Variants in PICALM observed in about 807,000 individuals in gnomAD.
PICALM encodes phosphatidylinositol-binding clathrin assembly protein.
PICALM carries 40 observed loss-of-function variants against 80.5 expected under a neutral mutation model. The ratio of observed to expected loss-of-function variants is 0.50; its 90% CI spans 0.39 to 0.65. The LOEUF (loss-of-function observed/expected upper bound fraction) is 0.65. PICALM is among the 30% of genes least tolerant of loss of function. PICALM has a pLI of 0.00. For missense variants in PICALM, 676 were observed against 778.9 expected (o/e 0.87, Z 1.57); for synonymous variants, 288 against 260.3 (o/e 1.11, Z -1.02).
In PICALM at chr11:85,981,713, C is replaced by T. The variant is rs200942143; in HGVS notation, c.1679+32G>A. ...CATGGAGAAAACACTAAATAACACACGGAGAAAACAATGTGTATATTAAAC... is the reference window on the plus strand; with the variant it reads ...CATGGAGAAAACACTAAATAACACATGGAGAAAACAATGTGTATATTAAAC... On this transcript the variant is annotated intron_variant, in intron 16 of 19. Transcript: ENST00000393346. 3.4e-4 allele frequency: 516 copies of T among 1,535,982 alleles called. 1 individual carries two copies. In the African/African-American group the frequency reaches 5.8e-3, roughly 17 times the overall value.
intron 3 of PICALM, among the ~76,000 whole-genome samples, chr11:86,025,260 C>A (rs747248733): frequency 2.6e-5 from 4 of 152,112 alleles, no homozygotes; most frequent in Non-Finnish European, 4.4e-5. Context: ...AGTAGCTGGG[C>A]GTGGTGACAT....
At chr11:86,049,681 C>A (rs1249323424) in intron 1 of PICALM, among the ~76,000 whole-genome samples, 1 of 151,704 alleles carries the variant, frequency 6.6e-6, no homozygotes, top group Non-Finnish European at 1.5e-5. Context: ...GATCCACCTG[C>A]CTTGGCCTCC....
intron 4 of PICALM, among the ~76,000 whole-genome samples, chr11:86,017,216 C>T (rs1461600937): frequency 2.5e-5 from 2 of 78,846 alleles, no homozygotes; most frequent in East Asian, 2.9e-4. Context: ...GAGTGAGACT[C>T]TGTCTCAAAA....
chr11:86,038,790 A>C (rs2095891365), intron 1 of PICALM, among the ~76,000 whole-genome samples: 1 of 151,694 alleles, frequency 6.6e-6, no homozygotes, highest in Non-Finnish European at 1.5e-5. Flanking sequence ...AAAAAAAAAA[A>C]GGTAAGTCAA....
chr11:85,959,462 G>A (rs964307508), intron 19 of PICALM, among the ~76,000 whole-genome samples: 9 of 151,590 alleles, frequency 5.9e-5, no homozygotes, highest in Non-Finnish European at 1.0e-4. Context: ...GTGAAACCCC[G>A]TCTCTACTAA....
intron 13 of PICALM, 50 bp downstream of exon 13, chr11:85,990,200 G>C: frequency 9.5e-7 from 1 of 1,055,364 alleles, no homozygotes; most frequent in Non-Finnish European, 1.4e-6. Context: ...GTAAAATATA[G>C]TTAGGCAGTA....
intron 19 of PICALM, among the ~76,000 whole-genome samples, chr11:85,963,833 T>C (rs2093776858): frequency 6.6e-6 from 1 of 150,608 alleles, no homozygotes; most frequent in African/African-American, 2.4e-5. Context: ...CACGGGTCAC[T>C]GCAGCCTCAA....
intron 1 of PICALM, among the ~76,000 whole-genome samples, chr11:86,035,798 A>G (rs2095831541): frequency 6.6e-6 from 1 of 151,264 alleles, no homozygotes; most frequent in Non-Finnish European, 1.5e-5. Flanking sequence ...AAACACAAAA[A>G]TTAGCCGGGC....
rs187473210 is a variant in PICALM at position 86,028,365 on chromosome 11, A to G, written c.274-1998T>C. ...TAGGTACATAAGCATTTGTTATGCC[A>G]TTCACTCTACTATTGTGTATATTAG... is the stretch of plus-strand genomic sequence containing the variant. On this transcript the variant is annotated intron_variant, in intron 2 of 19. Transcript: ENST00000393346. Among the ~76,000 whole-genome samples the G allele has an allele frequency of 4.0e-3, 606 of 152,352 alleles. 4 individuals are homozygous for G. Among genetic ancestry groups the G allele is most frequent in the African/African-American group, 0.014 (578 of 41,564 alleles).
chr11:86,036,899 T>G (rs2095850139), intron 1 of PICALM, among the ~76,000 whole-genome samples: 1 of 143,380 alleles, frequency 7.0e-6, no homozygotes, highest in Non-Finnish European at 1.5e-5. Context: ...GTCACGAGTT[T>G]GAGACCAGCC....
intron 14 of PICALM, among the ~76,000 whole-genome samples, chr11:85,982,911 T>C (rs12278254): frequency 0.026 from 3,949 of 152,180 alleles, 176 homozygotes; most frequent in African/African-American, 0.091. Flanking sequence ...AAACCCTCTA[T>C]GGGACTCAAT....
chr11:85,999,720 G>A (rs1269986662), intron 11 of PICALM, among the ~76,000 whole-genome samples: 1 of 152,226 alleles, frequency 6.6e-6, no homozygotes, highest in African/African-American at 2.4e-5. Context: ...TAGGCAGGCA[G>A]ATGAGCTTTT....
chr11:86,012,497 T>A lies in PICALM; in HGVS notation c.547-105A>T. 9 of 633,948 alleles carry A rather than the reference T, an allele frequency of 1.4e-5. No homozygotes were observed. In the South Asian group the frequency reaches 1.7e-4, roughly 12 times the overall value. The allele number at this position is 633,948 out of a possible 1,614,324, so 39.3% of individuals were successfully genotyped here. On this transcript the variant is annotated intron_variant, in intron 5 of 19. Transcript: ENST00000393346. ...ATACAGTAAATTCATGCATTAGGCA[T>A]GTTAGTGAAAAATACATTTATTTTC...
At chr11:85,976,521 G>A in intron 18 of PICALM, 102 bp downstream of exon 18, 1 of 722,726 alleles carries the variant, frequency 1.4e-6, no homozygotes, top group Non-Finnish European at 2.5e-6. Context: ...AGGGCTAGGA[G>A]TATGAGGAGC....
At chr11:86,067,095 A>C (rs2096458398) in intron 1 of PICALM, among the ~76,000 whole-genome samples, 2 of 152,236 alleles carry the variant, frequency 1.3e-5, no homozygotes, top group Admixed American at 6.5e-5. Context: ...ATCACAAAGA[A>C]TAATAGGCTT....
chr11:85,987,626 C>G (rs548551935), intron 13 of PICALM, among the ~76,000 whole-genome samples: 4 of 152,288 alleles, frequency 2.6e-5, no homozygotes, highest in Admixed American at 6.5e-5. Flanking sequence ...TCCACATATA[C>G]AAGAATTTTA....
At chr11:86,025,232 T>C (rs1470152034) in intron 3 of PICALM, among the ~76,000 whole-genome samples, 1 of 152,058 alleles carries the variant, frequency 6.6e-6, no homozygotes, top group African/African-American at 2.4e-5. Flanking sequence ...AAACCCCATC[T>C]CTACTAAAGA....
chr11:85,969,044 C>T lies in PICALM; in HGVS notation c.1944+5664G>A, dbSNP rs140003078. Reference sequence around the variant, plus strand: ...GGAATTCATAAGTTCAAAGCTACAGCGCAGTCTACTGAATTAAAGCCATAA... The same window carrying T: ...GGAATTCATAAGTTCAAAGCTACAGTGCAGTCTACTGAATTAAAGCCATAA... On this transcript the variant is annotated intron_variant, in intron 19 of 19. Transcript: ENST00000393346. 6.2e-3 allele frequency among the ~76,000 whole-genome samples: 936 copies of T among 151,070 alleles called. 14 individuals are homozygous for T. Among genetic ancestry groups the T allele is most frequent in the African/African-American group, 0.021 (882 of 41,202 alleles).
At position 85,974,707 on chromosome 11, in the gene PICALM, C is replaced by T; in HGVS notation, c.1944+1G>A. On this transcript the variant is annotated splice_donor_variant, in intron 19 of 19. Transcript: ENST00000393346. LOFTEE classifies it high-confidence loss of function. ...CCACAGTTACATGTAGTGTGTAATA[C>T]CTGTGCTCCTGATACAGGGCCAAAG... 6.4e-7 allele frequency: 1 copy of T among 1,572,126 alleles called. No homozygotes were observed. The highest frequency in any genetic ancestry group is 8.8e-7 in the Non-Finnish European group (1 of 1,141,748).
Sources: allele counts gnomAD v4.1 joint callset (sites outside exome capture counted in the v4.1 genomes callset), GRCh38; gene constraint gnomAD v4.1.1; transcripts MANE v1.5; gene names NCBI Gene and HGNC (gene_info 2026-07-23, HGNC 2026-07-21).